The following CSMD1 variants were observed in gnomAD, a reference collection of about 807,000 sequenced individuals.
The protein encoded by CSMD1 is CUB and sushi domain-containing protein 1.
Under a neutral mutation model 417.5 loss-of-function variants are expected in CSMD1, and 213 were observed. That is an observed-to-expected ratio of 0.51 (90% CI 0.46 to 0.57). CSMD1 has a LOEUF of 0.57. Ranked by LOEUF, CSMD1 falls within the 20% of genes least tolerant of loss-of-function variation. The probability of loss-of-function intolerance (pLI) is 0.00; values close to 1 mark genes in which losing one functional copy is unlikely to be tolerated. For synonymous variants in CSMD1, 2,862 were observed against 1,736.8 expected (o/e 1.65, Z -16.11); for missense variants, 6,923 against 4,529.7 (o/e 1.53, Z -15.17).
At chr8:3,593,325 T>A (rs1305314878) in intron 8 of CSMD1, among the ~76,000 whole-genome samples, 1 of 152,192 alleles carries the variant, frequency 6.6e-6, no homozygotes, top group Non-Finnish European at 1.5e-5. Flanking sequence ...GAAGCCCCTG[T>A]GTCTCCTGGT....
intron 3 of CSMD1, among the ~76,000 whole-genome samples, chr8:4,235,355 G>GT (rs1309484665): frequency 1.1e-4 from 13 of 119,416 alleles, no homozygotes; most frequent in South Asian, 2.5e-4. Context: ...CAAAAGACGT[G>GT]TTTTGTTTTT....
At chr8:4,082,086 A>C (rs1448372880) in intron 3 of CSMD1, among the ~76,000 whole-genome samples, 1 of 152,166 alleles carries the variant, frequency 6.6e-6, no homozygotes, top group Admixed American at 6.5e-5. Context: ...AAGATTACTG[A>C]GACTTATCAA....
intron 1 of CSMD1, among the ~76,000 whole-genome samples, chr8:4,793,267 A>G (rs1209341013): frequency 1.3e-5 from 2 of 152,158 alleles, no homozygotes; most frequent in African/African-American, 2.4e-5. Context: ...TAATCTATGT[A>G]TTTGTTTTAG....
chr8:4,594,810 AC>A (rs1369317474), intron 2 of CSMD1, among the ~76,000 whole-genome samples: 1 of 152,078 alleles, frequency 6.6e-6, no homozygotes, highest in African/African-American at 2.4e-5. Context: ...TTCTGATGTT[AC>A]CCCCACCTTA....
At chr8:4,948,453 T>C (rs1395774617) in intron 1 of CSMD1, among the ~76,000 whole-genome samples, 1 of 152,038 alleles carries the variant, frequency 6.6e-6, no homozygotes, top group African/African-American at 2.4e-5. Context: ...TCTATTTCTT[T>C]CTTATCCAGT....
intron 3 of CSMD1, among the ~76,000 whole-genome samples, chr8:4,245,911 G>C (rs1802678500): frequency 6.6e-6 from 1 of 152,106 alleles, no homozygotes; most frequent in African/African-American, 2.4e-5. Flanking sequence ...CTTTAGCTAA[G>C]GCGTTTTCTC....
chr8:3,653,261 G>A (rs918311061), intron 7 of CSMD1, among the ~76,000 whole-genome samples: 1 of 151,972 alleles, frequency 6.6e-6, no homozygotes, highest in African/African-American at 2.4e-5. Context: ...AAATAGATAA[G>A]TTAGGGATGG....
chr8:3,314,641 A>G (rs1330289048), intron 23 of CSMD1, among the ~76,000 whole-genome samples: 1 of 152,268 alleles, frequency 6.6e-6, no homozygotes, highest in Non-Finnish European at 1.5e-5. Context: ...TACTACGAAC[A>G]AAATGTTCTA....
chr8:3,488,154 G>C (rs1426576923), intron 11 of CSMD1, among the ~76,000 whole-genome samples: 2 of 151,642 alleles, frequency 1.3e-5, no homozygotes, highest in Non-Finnish European at 1.5e-5. Context: ...TCAGGCTGGA[G>C]TGCAGTGGGG....
intron 8 of CSMD1, among the ~76,000 whole-genome samples, chr8:3,591,375 T>A (rs897421207): frequency 6.6e-6 from 1 of 152,254 alleles, no homozygotes; most frequent in African/African-American, 2.4e-5. Flanking sequence ...AGACTCTTTC[T>A]AAGTGAGTAA....
At chr8:4,329,060 TAATA>T (rs1249871529) in intron 3 of CSMD1, among the ~76,000 whole-genome samples, 3 of 152,190 alleles carry the variant, frequency 2.0e-5, no homozygotes, top group African/African-American at 7.2e-5. Context: ...AATAATCACA[TAATA>T]AATAAAAATT....
At chr8:4,461,741 ATTT>A (rs35226423) in intron 2 of CSMD1, among the ~76,000 whole-genome samples, 3 of 124,550 alleles carry the variant, frequency 2.4e-5, no homozygotes, top group Admixed American at 8.9e-5. Flanking sequence ...TTATTTACTT[ATTT>A]TTTTTTTTTT....
At chr8:3,484,361 G>A (rs569362799) in intron 11 of CSMD1, among the ~76,000 whole-genome samples, 1 of 152,266 alleles carries the variant, frequency 6.6e-6, no homozygotes, top group South Asian at 2.1e-4. Context: ...AAATGCTACT[G>A]AACAGTTGGA....
chr8:4,473,231 T>G (rs1171353810), intron 2 of CSMD1, among the ~76,000 whole-genome samples: 1 of 152,208 alleles, frequency 6.6e-6, no homozygotes, highest in Non-Finnish European at 1.5e-5. Flanking sequence ...TTTTAAATTT[T>G]AAGCCATTTT....
At chr8:3,714,604 G>T (rs1801723211) in intron 6 of CSMD1, among the ~76,000 whole-genome samples, 1 of 135,816 alleles carries the variant, frequency 7.4e-6, no homozygotes, top group African/African-American at 2.8e-5. Flanking sequence ...AGGCATGGTG[G>T]CGGGCGACTG....
intron 3 of CSMD1, among the ~76,000 whole-genome samples, chr8:4,335,407 T>C (rs761498175): frequency 2.0e-5 from 3 of 152,084 alleles, no homozygotes; most frequent in African/African-American, 7.2e-5. Context: ...CATTGCACCA[T>C]CTCTTTCTGA....
chr8:4,046,828 G>C lies in CSMD1; in HGVS notation c.416-14729C>G, dbSNP rs539721404. The stretch of plus-strand genomic sequence containing the variant: ...AACAATTATTGAACTCTAAGCGCCA[G>C]GCACTTCATGTATTATTTCCCTGAA... On this transcript the variant is annotated intron_variant, in intron 3 of 69. Transcript: ENST00000635120. 1.3e-4 allele frequency among the ~76,000 whole-genome samples: 20 copies of C among 152,280 alleles called. No homozygotes were observed. The East Asian group carries it at 3.3e-3, about 25-fold the overall frequency.
intron 7 of CSMD1, among the ~76,000 whole-genome samples, chr8:3,670,605 C>CATATATATATGAGGATATATATATTGCAT (rs1310318740): frequency 7.8e-6 from 1 of 128,948 alleles, no homozygotes; most frequent in African/African-American, 3.0e-5. Flanking sequence ...ATATATTGCA[C>CATATATATATGAGGATATATATATTGCAT]ATATATATGG....
chr8:4,086,639 A>T (rs552666159), intron 3 of CSMD1, among the ~76,000 whole-genome samples: 15 of 152,324 alleles, frequency 9.8e-5, no homozygotes, highest in African/African-American at 3.1e-4. Flanking sequence ...TTCTTAATGC[A>T]CCAAGCGATT....
Sources: allele counts gnomAD v4.1 joint callset (sites outside exome capture counted in the v4.1 genomes callset), GRCh38; gene constraint gnomAD v4.1.1; transcripts MANE v1.5; gene names NCBI Gene and HGNC (gene_info 2026-07-23, HGNC 2026-07-21).